SLC24A2: variants seen among roughly 807,000 people sequenced by gnomAD.
The protein encoded by SLC24A2 is sodium/potassium/calcium exchanger 2.
SLC24A2 carries 36 observed loss-of-function variants against 62.0 expected under a neutral mutation model. The observed-to-expected ratio is 0.58, with a 90% CI of 0.44 to 0.77. SLC24A2 has a LOEUF of 0.77. Ranked by LOEUF, SLC24A2 falls within the 30% of genes least tolerant of loss-of-function variation. The pLI is 0.00. For synonymous variants in SLC24A2, 358 were observed against 294.0 expected (o/e 1.22, Z -2.23); for missense variants, 846 against 817.9 (o/e 1.03, Z -0.42).
At chr9:19,568,555 G>A (rs1236306307) in intron 7 of SLC24A2, among the ~76,000 whole-genome samples, 1 of 152,200 alleles carries the variant, frequency 6.6e-6, no homozygotes, top group Non-Finnish European at 1.5e-5. Context: ...TCACAACAGT[G>A]CTATGAGATA....
the SLC24A2 span, among the ~76,000 whole-genome samples, chr9:20,132,949 T>C: frequency 6.6e-6 from 1 of 152,130 alleles, no homozygotes; most frequent in East Asian, 1.9e-4. Context: ...AAACATTTTG[T>C]GATGGTGTTT....
the SLC24A2 span, among the ~76,000 whole-genome samples, chr9:19,883,816 T>C: frequency 9.2e-5 from 14 of 152,260 alleles, no homozygotes; most frequent in South Asian, 4.1e-4. Flanking sequence ...CCGCCCACCT[T>C]GGCCTCCCAA....
intron 5 of SLC24A2, among the ~76,000 whole-genome samples, chr9:19,577,827 T>C (rs964545232): frequency 6.7e-6 from 1 of 148,440 alleles, no homozygotes; most frequent in African/African-American, 2.4e-5. Context: ...CTGTTATATA[T>C]ATATTATATA....
At chr9:20,187,169 G>A in the SLC24A2 span, among the ~76,000 whole-genome samples, 2 of 152,104 alleles carry the variant, frequency 1.3e-5, no homozygotes, top group Non-Finnish European at 2.9e-5. Context: ...TCAGAACCTG[G>A]CTTGGCCCCT....
Position 19,760,815 on chromosome 9 carries a change from G to A in SLC24A2, c.930+25122C>T, listed in dbSNP as rs140619177. Among the ~76,000 whole-genome samples the A allele has an allele frequency of 9.2e-3, 1,378 of 150,246 alleles. 24 individuals are homozygous for A. The highest frequency in any genetic ancestry group is 0.064 in the South Asian group (302 of 4,738). On this transcript the variant is annotated intron_variant, in intron 2 of 10. Coordinates refer to ENST00000341998, the MANE Select transcript of SLC24A2 (RefSeq NM_020344.4). ...CAAATGTTTGTTCTATCGCAAGGAC[G>A]GAAAACCAAACACCACATGTTCTCA... is the stretch of plus-strand genomic sequence containing the variant.
chr9:19,612,421 C>T (rs1449676688), intron 4 of SLC24A2, among the ~76,000 whole-genome samples: 5 of 152,132 alleles, frequency 3.3e-5, no homozygotes, highest in Non-Finnish European at 5.9e-5. Context: ...CTCAAGTAAT[C>T]GTTCTGCCTT....
rs2209799 is a variant in SLC24A2, at chr9:19,595,161, T to C, written c.1129+2068A>G. ...CTCCATCCCTCTTTACAATTTATTATATGCTGCAGTACACAGCAGCATAAT... is the reference window on the plus strand; with the variant it reads ...CTCCATCCCTCTTTACAATTTATTACATGCTGCAGTACACAGCAGCATAAT... On this transcript the variant is annotated intron_variant, in intron 5 of 10. Coordinates refer to ENST00000341998, the MANE Select transcript of SLC24A2 (RefSeq NM_020344.4). Among the ~76,000 whole-genome samples, 294 of 152,354 alleles carry C rather than the reference T, an allele frequency of 1.9e-3. 1 individual carries two copies. The highest frequency in any genetic ancestry group is 6.7e-3 in the African/African-American group (280 of 41,584).
chr9:20,074,371 A>G, the SLC24A2 span, among the ~76,000 whole-genome samples: 1 of 151,878 alleles, frequency 6.6e-6, no homozygotes, highest in African/African-American at 2.4e-5. Context: ...ATCATTGCTC[A>G]ATGCACACAT....
At chr9:19,837,284 C>G in the SLC24A2 span, among the ~76,000 whole-genome samples, 1 of 150,720 alleles carries the variant, frequency 6.6e-6, no homozygotes, top group Admixed American at 6.6e-5. Flanking sequence ...AACCCCGTCT[C>G]TACTAAAAAT....
the SLC24A2 span, among the ~76,000 whole-genome samples, chr9:19,816,395 A>G: frequency 1.3e-4 from 20 of 152,112 alleles, 1 homozygote; most frequent in Admixed American, 1.3e-3. Context: ...AGCTACTCAC[A>G]TGGCTCTACC....
At chr9:20,130,961 C>T in the SLC24A2 span, among the ~76,000 whole-genome samples, 1 of 151,224 alleles carries the variant, frequency 6.6e-6, no homozygotes, top group Non-Finnish European at 1.5e-5. Context: ...CTTTCCTGCC[C>T]TTATCTCCTG....
intron 10 of SLC24A2, among the ~76,000 whole-genome samples, chr9:19,519,678 A>T (rs1386203992): frequency 1.3e-5 from 2 of 152,202 alleles, no homozygotes; most frequent in Non-Finnish European, 2.9e-5. Context: ...GCAGGCAGAT[A>T]TACCAGGACA....
intron 6 of SLC24A2, among the ~76,000 whole-genome samples, chr9:19,575,333 G>C (rs1835976321): frequency 6.6e-6 from 1 of 152,160 alleles, no homozygotes. Context: ...TCTATTGGCT[G>C]ATGTGATAAA....
chr9:19,919,746 A>C, the SLC24A2 span, among the ~76,000 whole-genome samples: 11 of 152,204 alleles, frequency 7.2e-5, no homozygotes, highest in African/African-American at 2.4e-4. Context: ...CCTTCTTCAC[A>C]TGATGGCAGC....
At chr9:19,723,499 A>T (rs1359213247) in intron 2 of SLC24A2, among the ~76,000 whole-genome samples, 2 of 152,172 alleles carry the variant, frequency 1.3e-5, no homozygotes. Context: ...AAACCGTCTT[A>T]AGCCATAAGC....
At chr9:19,856,614 G>T in the SLC24A2 span, among the ~76,000 whole-genome samples, 1 of 152,156 alleles carries the variant, frequency 6.6e-6, no homozygotes, top group African/African-American at 2.4e-5. Context: ...TGCACTGGGA[G>T]GTGTCACCAG....
the SLC24A2 span, among the ~76,000 whole-genome samples, chr9:19,831,820 T>A: frequency 4.6e-5 from 7 of 152,236 alleles, no homozygotes; most frequent in African/African-American, 1.7e-4. Flanking sequence ...AGCCAAGATA[T>A]GCCATTCAAA....
chr9:20,283,455 T>C, the SLC24A2 span, among the ~76,000 whole-genome samples: 3 of 152,220 alleles, frequency 2.0e-5, no homozygotes, highest in East Asian at 5.8e-4. Context: ...GTCGGGCCTC[T>C]GCAGATTCCA....
At chr9:20,033,202 A>G in the SLC24A2 span, among the ~76,000 whole-genome samples, 1 of 152,154 alleles carries the variant, frequency 6.6e-6, no homozygotes, top group Non-Finnish European at 1.5e-5. Context: ...TGTTTTCAAA[A>G]AGACCTTGAG....
Sources: gnomAD v4.1 joint callset for allele counts (sites outside exome capture counted in the v4.1 genomes callset) on GRCh38, gnomAD v4.1.1 for gene constraint, MANE v1.5 for transcripts, NCBI Gene and HGNC (gene_info 2026-07-23, HGNC 2026-07-21) for gene names.